Variants in IL1R1 observed in about 807,000 individuals in gnomAD.
IL1R1 encodes the protein interleukin 1 receptor type 1.
IL1R1 carries 22 observed loss-of-function variants against 50.2 expected under a neutral mutation model. That is an observed-to-expected ratio of 0.44 (90% CI 0.31 to 0.63). The LOEUF is 0.63. IL1R1 is among the 20% of genes least tolerant of loss of function. The probability of loss-of-function intolerance (pLI) is 0.07; values close to 1 mark genes in which losing one functional copy is unlikely to be tolerated. For synonymous variants in IL1R1, 251 were observed against 236.7 expected, an observed-to-expected ratio of 1.06 and a Z score of -0.55; for missense variants, 509 against 676.2, an observed-to-expected ratio of 0.75 and a Z score of 2.74.
chr2:102,148,094 G>T (rs978266569), intron 1 of IL1R1, among the ~76,000 whole-genome samples: 1 of 152,180 alleles, frequency 6.6e-6, no homozygotes, highest in African/African-American at 2.4e-5. Flanking sequence ...TTCTCTGGGG[G>T]AAAATCAGAG....
chr2:102,131,637 A>G (rs1275574769), intron 1 of IL1R1, among the ~76,000 whole-genome samples: 2 of 92,184 alleles, frequency 2.2e-5, no homozygotes, highest in African/African-American at 7.4e-5. Context: ...AGACATAACA[A>G]TAGAAACTAT....
rs1682781471 is a variant in IL1R1 at position 102,142,851 on chromosome 2, T to TGGGGGCGCCGGCCTGCCCCGCGCGCC, written c.-252_-227dup. 2.7e-5 allele frequency: 4 copies of TGGGGGCGCCGGCCTGCCCCGCGCGCC among 148,894 alleles called. No homozygotes were observed. Among genetic ancestry groups the TGGGGGCGCCGGCCTGCCCCGCGCGCC allele is most frequent in the Admixed American group, 2.0e-4 (3 of 14,948 alleles). The allele number at this position is 148,894 out of a possible 1,614,324, so 9.2% of individuals were successfully genotyped here. A position where few individuals can be genotyped will look rare whatever the true frequency, so the allele number is the denominator to read the frequency against. Reference sequence around the variant, plus strand: ...GCCGGAGAGCGGCCGGGCCGGGCGGTGGGGGCGCCGGCCTGCCCCGCGCGC... The same window carrying TGGGGGCGCCGGCCTGCCCCGCGCGCC: ...GCCGGAGAGCGGCCGGGCCGGGCGGTGGGGGCGCCGGCCTGCCCCGCGCGCCGGGGGCGCCGGCCTGCCCCGCGCGC... On this transcript the variant is annotated 5_prime_UTR_variant, in exon 1 of 12. Coordinates refer to ENST00000410023, the MANE Select transcript of IL1R1 (RefSeq NM_000877.4).
chr2:102,130,878 AGG>A (rs1681991341), intron 1 of IL1R1, among the ~76,000 whole-genome samples: 1 of 152,152 alleles, frequency 6.6e-6, no homozygotes, highest in Non-Finnish European at 1.5e-5. Context: ...ATGCAAAACC[AGG>A]GTTTTTAAGA....
intron 1 of IL1R1, among the ~76,000 whole-genome samples, chr2:102,151,755 T>C (rs184894391): frequency 1.3e-3 from 199 of 152,240 alleles, no homozygotes; most frequent in African/African-American, 4.6e-3. Flanking sequence ...AAGCTTCTGA[T>C]CAGAATCAGC....
chr2:102,093,556 G>A (rs1349122268), intron 1 of IL1R1, among the ~76,000 whole-genome samples: 4 of 152,120 alleles, frequency 2.6e-5, no homozygotes, highest in African/African-American at 4.8e-5. Flanking sequence ...TAGTGGTACC[G>A]CATTCTGGAT....
chr2:102,176,795 C>T lies in IL1R1; in HGVS notation c.*36C>T. The T allele has an allele frequency of 6.3e-7, 1 of 1,599,894 alleles. No homozygotes were observed. Among genetic ancestry groups the T allele is most frequent in the Non-Finnish European group, 8.5e-7 (1 of 1,170,478 alleles). Reference sequence around the variant, plus strand: ...TTGCCAAGAGTTCTTTAGGTGCCTCCTGTCTTATGGCGTTGCAGGCCAGGT... The same window carrying T: ...TTGCCAAGAGTTCTTTAGGTGCCTCTTGTCTTATGGCGTTGCAGGCCAGGT... On this transcript the variant is annotated 3_prime_UTR_variant, in exon 12 of 12. Coordinates refer to ENST00000410023, the MANE Select transcript of IL1R1 (RefSeq NM_000877.4).
chr2:102,074,141 A>G (rs1678857911), intron 1 of IL1R1, among the ~76,000 whole-genome samples: 1 of 152,188 alleles, frequency 6.6e-6, no homozygotes, highest in Non-Finnish European at 1.5e-5. Context: ...TTCAAATATT[A>G]AGAATTTTGC....
At chr2:102,136,291 TCGCC>T (rs1214224083) in intron 1 of IL1R1, among the ~76,000 whole-genome samples, 5 of 151,840 alleles carry the variant, frequency 3.3e-5, no homozygotes, top group Admixed American at 3.3e-4. Context: ...AGTGGTCCTA[TCGCC>T]TCTTCTCCCA....
intron 1 of IL1R1, among the ~76,000 whole-genome samples, chr2:102,083,901 G>A (rs926601128): frequency 6.6e-6 from 1 of 151,636 alleles, no homozygotes; most frequent in African/African-American, 2.4e-5. Context: ...CCGAGATCAC[G>A]CCACTGCACT....
chr2:102,149,862 C>T (rs184415115), intron 1 of IL1R1, among the ~76,000 whole-genome samples: 20 of 152,230 alleles, frequency 1.3e-4, no homozygotes, highest in Middle Eastern at 3.4e-3. Context: ...GGGACTGCTC[C>T]GTGCAGGTCT....
At chr2:102,157,191 T>C (rs912983498) in intron 2 of IL1R1, among the ~76,000 whole-genome samples, 14 of 152,154 alleles carry the variant, frequency 9.2e-5, no homozygotes, top group Non-Finnish European at 1.8e-4. Flanking sequence ...TTTAGTTTTT[T>C]TGGGTGCATT....
At chr2:102,105,599 C>T (rs1439128215) in intron 1 of IL1R1, among the ~76,000 whole-genome samples, 1 of 152,130 alleles carries the variant, frequency 6.6e-6, no homozygotes, top group Non-Finnish European at 1.5e-5. Context: ...CTCCTGACCT[C>T]GTGATCCACC....
At position 102,136,374 on chromosome 2, in the gene IL1R1, A is replaced by ATTTTTTT. The variant is rs10664336; in HGVS notation, c.-83-17553_-83-17547dup. 3.0e-4 allele frequency among the ~76,000 whole-genome samples: 35 copies of ATTTTTTT among 118,388 alleles called. 1 individual carries two copies. Among genetic ancestry groups the ATTTTTTT allele is most frequent in the Middle Eastern group, 9.3e-3 (2 of 216 alleles). The allele number at this position is 118,388 out of a possible 152,430, so 77.7% of individuals were successfully genotyped here. A position where few individuals can be genotyped will look rare whatever the true frequency, so the allele number is the denominator to read the frequency against. On this transcript the variant is annotated intron_variant, in intron 1 of 10. Coordinates refer to the IL1R1 transcript ENST00000409329. ...CCTCAGGGCAATCATGGATAACAGT[A>ATTTTTTT]TTTTTTTTTTTTTTTTTTTTGAGAC...
intron 1 of IL1R1, among the ~76,000 whole-genome samples, chr2:102,136,048 T>A (rs1351751310): frequency 1.3e-5 from 2 of 152,180 alleles, no homozygotes; most frequent in African/African-American, 2.4e-5. Context: ...GGGTCCTAAG[T>A]CTTTCATGCC....
chr2:102,147,463 C>A (rs1683252904), intron 1 of IL1R1, among the ~76,000 whole-genome samples: 1 of 152,076 alleles, frequency 6.6e-6, no homozygotes, highest in African/African-American at 2.4e-5. Context: ...GCCTTGGCAT[C>A]GTAGACCCTG....
chr2:102,112,736 T>G (rs2104371133), intron 1 of IL1R1, among the ~76,000 whole-genome samples: 1 of 152,292 alleles, frequency 6.6e-6, no homozygotes, highest in African/African-American at 2.4e-5. Context: ...CTTTAATAGT[T>G]TTTTTTAGGC....
rs954380830 is a variant in IL1R1 at position 102,163,420 on chromosome 2, G to T, written c.62-1354G>T. Among the ~76,000 whole-genome samples the T allele has an allele frequency of 5.3e-5, 8 of 152,024 alleles. No individual in the cohort carries two copies. The East Asian group carries it at 5.8e-4, about 11-fold the overall frequency. ...ATTTTATTCTGTTATTTTTGTCTCT[G>T]TGCTTAATTTTGGATAATTTCTAAT... On this transcript the variant is annotated intron_variant, in intron 3 of 11. Transcript: ENST00000410023.
At chr2:102,102,865 G>T (rs1680203556), upstream of IL1R1, among the ~76,000 whole-genome samples, 1 of 152,114 alleles carries the variant, frequency 6.6e-6, no homozygotes, top group East Asian at 1.9e-4. Flanking sequence ...GGATACAACT[G>T]GAGGCCATTC....
intron 1 of IL1R1, among the ~76,000 whole-genome samples, chr2:102,106,384 T>G (rs549791105): frequency 2.6e-4 from 40 of 152,302 alleles, no homozygotes; most frequent in African/African-American, 9.6e-4. Context: ...ATCTGCCTAA[T>G]GGTAGTGATG....
Sources: allele counts gnomAD v4.1 joint callset (sites outside exome capture counted in the v4.1 genomes callset), GRCh38; gene constraint gnomAD v4.1.1; transcripts MANE v1.5; gene names NCBI Gene and HGNC (gene_info 2026-07-23, HGNC 2026-07-21).